The following FGD4 variants were observed in gnomAD, a reference collection of about 807,000 sequenced individuals.
The protein encoded by FGD4 is FYVE, RhoGEF and PH domain containing 4, also known as FYVE, RhoGEF and PH domain-containing protein 4.
FGD4 carries 42 observed loss-of-function variants against 102.0 expected under a neutral mutation model. The observed-to-expected ratio is 0.41, with a 90% CI of 0.32 to 0.53. The LOEUF is 0.53. Among genes scored for constraint, FGD4 ranks in the 20% least tolerant of loss-of-function variants. The probability of loss-of-function intolerance (pLI) is 0.21; values close to 1 mark genes in which losing one functional copy is unlikely to be tolerated. For missense variants in FGD4, 902 were observed against 1,078.2 expected, an observed-to-expected ratio of 0.84 and a Z score of 2.29; for synonymous variants, 380 against 375.7, an observed-to-expected ratio of 1.01 and a Z score of -0.13.
Position 32,523,605 on chromosome 12 carries a change from C to T in FGD4, c.167-40532C>T, listed in dbSNP as rs73303512. Among the ~76,000 whole-genome samples, 1,148 of 152,310 alleles carry T rather than the reference C, an allele frequency of 7.5e-3. 18 individuals carry two copies. The highest frequency in any genetic ancestry group is 0.026 in the African/African-American group (1,074 of 41,552). ...CAGGTGGATGAAGCTAAGGGACTGACACGGAGGGATGGAGCAGAGAAGAGA... is the reference window on the plus strand; with the variant it reads ...CAGGTGGATGAAGCTAAGGGACTGATACGGAGGGATGGAGCAGAGAAGAGA... On this transcript the variant is annotated intron_variant, in intron 1 of 16. Coordinates refer to ENST00000534526, the MANE Select transcript of FGD4 (RefSeq NM_001370298.3).
At chr12:32,579,709 A>G (rs969302244) in intron 3 of FGD4, 1 of 152,226 alleles carries the variant, frequency 6.6e-6, no homozygotes, top group African/African-American at 2.4e-5. Context: ...TCCAGGCCAA[A>G]GTTGTCCTCC....
At position 32,638,682 on chromosome 12, in the gene FGD4, A is replaced by T. The variant is rs1408954298; in HGVS notation, c.2341A>T (p.Ser781Cys). ...EIESAEVSGNSVVCSFLQYME... is the reference protein window; with the variant it reads ...EIESAEVSGNCVVCSFLQYME... ...TGAATCAGCAGAAGTATCTGGAAAC[A>T]GTGTGGTGTGCAGCTTTCTTCAGTA... The change falls in exon 16 of 17, where the codon AGT becomes TGT. Residue 781 changes from serine to cysteine, a missense_variant. Coordinates refer to ENST00000534526, the MANE Select transcript of FGD4 (RefSeq NM_001370298.3). 1 of 1,614,178 alleles carries T rather than the reference A, an allele frequency of 6.2e-7. No homozygotes were observed. Among genetic ancestry groups the T allele is most frequent in the Admixed American group, 1.7e-5 (1 of 60,020 alleles).
At chr12:32,539,085 AAG>A (rs1254299702) in intron 1 of FGD4, among the ~76,000 whole-genome samples, 21 of 152,174 alleles carry the variant, frequency 1.4e-4, no homozygotes, top group African/African-American at 4.8e-4. Flanking sequence ...AAATAAGAAA[AAG>A]AGGTCCTTAA....
At chr12:32,605,401 A>G (rs981306299) in intron 7 of FGD4, among the ~76,000 whole-genome samples, 2 of 151,518 alleles carry the variant, frequency 1.3e-5, no homozygotes, top group African/African-American at 4.9e-5. Context: ...TTTGATTTTT[A>G]CTAGCTTCTT....
chr12:32,476,476 G>A (rs1384639118), intron 1 of FGD4, among the ~76,000 whole-genome samples: 1 of 152,150 alleles, frequency 6.6e-6, no homozygotes, highest in Non-Finnish European at 1.5e-5. Context: ...ACCACCTGAG[G>A]TTTTAGTTGG....
intron 12 of FGD4, 123 bp from the exon 13 acceptor site, chr12:32,624,853 A>G: frequency 1.2e-6 from 1 of 820,406 alleles, no homozygotes; most frequent in South Asian, 1.4e-5. Flanking sequence ...AATATGTAGT[A>G]ATCAGAACAG....
intron 1 of FGD4, among the ~76,000 whole-genome samples, chr12:32,423,065 T>A (rs538264499): frequency 3.7e-4 from 57 of 152,352 alleles, no homozygotes; most frequent in Admixed American, 3.3e-3. Context: ...GCCCTTTTTT[T>A]AATATCACTG....
intron 4 of FGD4, among the ~76,000 whole-genome samples, chr12:32,597,397 A>G: frequency 6.6e-6 from 1 of 152,358 alleles, no homozygotes; most frequent in Non-Finnish European, 1.5e-5. Flanking sequence ...GTTTAATTCA[A>G]GATTCCAAAG....
At chr12:32,532,833 T>C (rs1941927236) in intron 1 of FGD4, among the ~76,000 whole-genome samples, 1 of 152,196 alleles carries the variant, frequency 6.6e-6, no homozygotes, top group South Asian at 2.1e-4. Context: ...TCTCTTTGAC[T>C]TTTTTCTCCA....
At chr12:32,450,665 C>A (rs1942749183) in intron 1 of FGD4, among the ~76,000 whole-genome samples, 1 of 152,090 alleles carries the variant, frequency 6.6e-6, no homozygotes, top group Non-Finnish European at 1.5e-5. Context: ...GTTGTTTCTC[C>A]TTTCAGGCTT....
At chr12:32,453,235 ATATTTTTTTTT>A (rs1942857078) in intron 1 of FGD4, among the ~76,000 whole-genome samples, 19 of 49,760 alleles carry the variant, frequency 3.8e-4, no homozygotes, top group South Asian at 6.7e-4. Flanking sequence ...AGATATATAT[ATATTTTTTTTT>A]TTTTAAATGT....
intron 10 of FGD4, among the ~76,000 whole-genome samples, chr12:32,612,505 C>G (rs1362089768): frequency 1.3e-5 from 2 of 152,194 alleles, no homozygotes; most frequent in Non-Finnish European, 2.9e-5. Flanking sequence ...CCCAAGGATC[C>G]TTTGACAGTA....
chr12:32,561,069 G>GTTTTTTTTTTT (rs1565841408), intron 1 of FGD4, among the ~76,000 whole-genome samples: 10 of 92,010 alleles, frequency 1.1e-4, no homozygotes, highest in Non-Finnish European at 2.1e-4. Context: ...TTCTTTGTTG[G>GTTTTTTTTTTT]GTTTTGTTTT....
chr12:32,508,258 C>T (rs1224692964), intron 1 of FGD4, among the ~76,000 whole-genome samples: 1 of 152,098 alleles, frequency 6.6e-6, no homozygotes. Flanking sequence ...TATTGCCTTG[C>T]ACAGAAGTTT....
chr12:32,501,233 T>C (rs540269803), intron 1 of FGD4, among the ~76,000 whole-genome samples: 1 of 152,320 alleles, frequency 6.6e-6, no homozygotes, highest in East Asian at 1.9e-4. Flanking sequence ...TAAAAAAATT[T>C]TCTGTGGAGA....
chr12:32,465,959 G>C (rs553058388), intron 1 of FGD4, among the ~76,000 whole-genome samples: 41 of 152,184 alleles, frequency 2.7e-4, no homozygotes, highest in Non-Finnish European at 4.9e-4. Flanking sequence ...TTAAATTTTT[G>C]TAGTGATGGT....
chr12:32,423,869 T>C (rs1565731997), intron 1 of FGD4, among the ~76,000 whole-genome samples: 1 of 151,030 alleles, frequency 6.6e-6, no homozygotes, highest in African/African-American at 2.4e-5. Context: ...GTGTTTTTTT[T>C]TTTTTCTTTT....
chr12:32,549,039 T>G (rs1024247578), intron 1 of FGD4, among the ~76,000 whole-genome samples: 10 of 152,222 alleles, frequency 6.6e-5, no homozygotes, highest in African/African-American at 1.9e-4. Flanking sequence ...CAAGATATAC[T>G]AGCTCTATGG....
intron 1 of FGD4, among the ~76,000 whole-genome samples, chr12:32,526,599 A>T (rs1451131517): frequency 6.6e-6 from 1 of 152,210 alleles, no homozygotes; most frequent in Non-Finnish European, 1.5e-5. Flanking sequence ...AGAGAATAAA[A>T]GCAGGCTGCC....
Sources: allele counts gnomAD v4.1 joint callset (sites outside exome capture counted in the v4.1 genomes callset), GRCh38; gene constraint gnomAD v4.1.1; transcripts MANE v1.5; gene names NCBI Gene and HGNC (gene_info 2026-07-23, HGNC 2026-07-21).